Variants in NKAIN3 observed in about 807,000 individuals in gnomAD.
The protein encoded by NKAIN3 is sodium/potassium transporting ATPase interacting 3.
In NKAIN3, 25 loss-of-function variants were observed where a neutral mutation model predicts 30.2. That is an observed-to-expected ratio of 0.83 (90% CI 0.60 to 1.16). The LOEUF is 1.16. NKAIN3 is among the 50% of genes most tolerant of loss of function. NKAIN3 has a pLI of 0.00. For synonymous variants in NKAIN3, 91 were observed against 89.6 expected (o/e 1.02, Z -0.09); for missense variants, 225 against 254.1 (o/e 0.89, Z 0.78).
At chr8:62,481,587 G>C (rs1019349584) in intron 1 of NKAIN3, among the ~76,000 whole-genome samples, 14 of 152,092 alleles carry the variant, frequency 9.2e-5, no homozygotes, top group African/African-American at 3.4e-4. Flanking sequence ...AGTACCATTT[G>C]GTAAAAGTCT....
At chr8:62,742,026 A>T (rs1053142349) in intron 3 of NKAIN3, among the ~76,000 whole-genome samples, 1 of 151,878 alleles carries the variant, frequency 6.6e-6, no homozygotes, top group Non-Finnish European at 1.5e-5. Context: ...AGGAAAAATA[A>T]TTTTTTCTCT....
intron 4 of NKAIN3, chr8:62,855,461 C>T (rs763101223): frequency 1.8e-5 from 24 of 1,305,152 alleles, no homozygotes; most frequent in Non-Finnish European, 2.5e-5. Flanking sequence ...TCTTTTGCTT[C>T]CAAAATCTTC....
intron 1 of NKAIN3, among the ~76,000 whole-genome samples, chr8:62,440,141 A>G (rs1021772491): frequency 1.6e-4 from 24 of 152,182 alleles, no homozygotes; most frequent in African/African-American, 5.8e-4. Flanking sequence ...GGAAAACATC[A>G]TTACCTCTAA....
At chr8:62,473,760 C>T (rs954589173) in intron 1 of NKAIN3, among the ~76,000 whole-genome samples, 6 of 151,752 alleles carry the variant, frequency 4.0e-5, no homozygotes, top group Admixed American at 3.9e-4. Flanking sequence ...AATAGCCTAC[C>T]TCAATTTTTA....
rs78241108 is a variant in NKAIN3 at position 62,946,124 on chromosome 8, C to T, written c.533-7778C>T. Among the ~76,000 whole-genome samples the T allele has an allele frequency of 2.6e-3, 403 of 152,282 alleles. 2 individuals are homozygous for T. Among genetic ancestry groups the T allele is most frequent in the African/African-American group, 9.2e-3 (384 of 41,556 alleles). On this transcript the variant is annotated intron_variant, in intron 5 of 6. Coordinates refer to ENST00000623646, the MANE Select transcript of NKAIN3 (RefSeq NM_001304533.3). ...GAAAGGTGGAGGAGATTTTAAACTT[C>T]CTGAAGCATAAAGAAAACAACCATA...
intron 1 of NKAIN3, among the ~76,000 whole-genome samples, chr8:62,415,088 CTA>C (rs1804388239): frequency 7.1e-6 from 1 of 140,736 alleles, no homozygotes; most frequent in Admixed American, 7.5e-5. Context: ...ACTATATATA[CTA>C]TATTACATAT....
chr8:62,634,154 C>A (rs1211654275), intron 3 of NKAIN3, among the ~76,000 whole-genome samples: 1 of 151,940 alleles, frequency 6.6e-6, no homozygotes, highest in African/African-American at 2.4e-5. Context: ...GAGAAACTTA[C>A]AAATGTCTTA....
At chr8:62,756,730 G>A (rs1272330888) in intron 4 of NKAIN3, among the ~76,000 whole-genome samples, 1 of 152,134 alleles carries the variant, frequency 6.6e-6, no homozygotes, top group Non-Finnish European at 1.5e-5. Flanking sequence ...ACAATTTAAA[G>A]CATGTGAACA....
chr8:62,364,638 C>T (rs1816675081), intron 1 of NKAIN3, among the ~76,000 whole-genome samples: 2 of 151,556 alleles, frequency 1.3e-5, no homozygotes, highest in South Asian at 4.2e-4. Flanking sequence ...GTCAGGAGAC[C>T]GACATTCTGG....
chr8:62,954,230 C>A (rs7008796), intron 6 of NKAIN3, among the ~76,000 whole-genome samples: 101,411 of 152,012 alleles, frequency 0.67, 34,720 homozygotes, highest in African/African-American at 0.82. Flanking sequence ...TTGGTAACTA[C>A]ATTTTTTAAT....
At chr8:62,471,642 T>G (rs1218274824) in intron 1 of NKAIN3, among the ~76,000 whole-genome samples, 1 of 152,134 alleles carries the variant, frequency 6.6e-6, no homozygotes, top group African/African-American at 2.4e-5. Context: ...ACTATGAAAC[T>G]AAATGGCACT....
chr8:62,937,266 A>G (rs1200208797), intron 5 of NKAIN3, among the ~76,000 whole-genome samples: 1 of 152,190 alleles, frequency 6.6e-6, no homozygotes, highest in Admixed American at 6.5e-5. Context: ...CTGCAGGAAC[A>G]TATCAGGAAA....
chr8:62,563,098 T>C (rs1295330914), intron 1 of NKAIN3, among the ~76,000 whole-genome samples: 1 of 152,126 alleles, frequency 6.6e-6, no homozygotes, highest in Middle Eastern at 3.4e-3. Flanking sequence ...CACTGGAGAG[T>C]TGAAATTCAA....
chr8:62,573,878 C>A (rs1378870014), intron 1 of NKAIN3, among the ~76,000 whole-genome samples: 3 of 152,120 alleles, frequency 2.0e-5, no homozygotes, highest in Admixed American at 6.6e-5. Context: ...CTTGTTGTTA[C>A]AAACAATCTA....
intron 1 of NKAIN3, among the ~76,000 whole-genome samples, chr8:62,539,621 G>T (rs1341214101): frequency 1.3e-5 from 2 of 152,136 alleles, no homozygotes; most frequent in Non-Finnish European, 1.5e-5. Flanking sequence ...AGACGGTCTT[G>T]CTCTGTCATC....
At chr8:62,960,327 A>T (rs1018302501) in intron 6 of NKAIN3, among the ~76,000 whole-genome samples, 1 of 152,160 alleles carries the variant, frequency 6.6e-6, no homozygotes, top group Non-Finnish European at 1.5e-5. Context: ...CCTGATTCTC[A>T]TGCTTCCTTG....
At chr8:62,613,372 T>C (rs1811351085) in intron 3 of NKAIN3, among the ~76,000 whole-genome samples, 1 of 152,202 alleles carries the variant, frequency 6.6e-6, no homozygotes, top group South Asian at 2.1e-4. Flanking sequence ...AGGTTTTCAC[T>C]GAAAAGTCTG....
At chr8:62,775,992 G>T (rs2130644583) in intron 4 of NKAIN3, among the ~76,000 whole-genome samples, 1 of 152,064 alleles carries the variant, frequency 6.6e-6, no homozygotes, top group South Asian at 2.1e-4. Context: ...ATATCCACCT[G>T]CTGAATTGAC....
At chr8:62,516,553 G>A (rs923006007) in intron 1 of NKAIN3, among the ~76,000 whole-genome samples, 4 of 151,926 alleles carry the variant, frequency 2.6e-5, no homozygotes, top group African/African-American at 9.7e-5. Flanking sequence ...ATTGTTGTTT[G>A]GTATTGTATC....
Sources: allele counts gnomAD v4.1 joint callset (sites outside exome capture counted in the v4.1 genomes callset), GRCh38; gene constraint gnomAD v4.1.1; transcripts MANE v1.5; gene names NCBI Gene and HGNC (gene_info 2026-07-23, HGNC 2026-07-21).